PHLPP1: variants seen among roughly 807,000 people sequenced by gnomAD.
The protein encoded by PHLPP1 is PH domain and leucine rich repeat protein phosphatase 1, also known as PH domain leucine-rich repeat-containing protein phosphatase 1.
PHLPP1 carries 42 observed loss-of-function variants against 117.2 expected under a neutral mutation model. The ratio of observed to expected loss-of-function variants is 0.36; its 90% CI spans 0.28 to 0.46. The LOEUF (loss-of-function observed/expected upper bound fraction) is 0.46. Among genes scored for constraint, PHLPP1 ranks in the 20% least tolerant of loss-of-function variants. The probability of loss-of-function intolerance (pLI) is 1.00; values close to 1 mark genes in which losing one functional copy is unlikely to be tolerated. For missense variants in PHLPP1, 2,084 were observed against 2,241.9 expected (o/e 0.93, Z 1.42); for synonymous variants, 1,042 against 970.7 (o/e 1.07, Z -1.37).
intron 14 of PHLPP1, among the ~76,000 whole-genome samples, chr18:62,966,290 T>C (rs149816765): frequency 2.0e-5 from 3 of 152,270 alleles, no homozygotes; most frequent in East Asian, 1.9e-4. Flanking sequence ...TTACTATTAT[T>C]ATTTATCCCT....
At chr18:62,719,905 G>A (rs921252825) in intron 1 of PHLPP1, among the ~76,000 whole-genome samples, 2 of 152,054 alleles carry the variant, frequency 1.3e-5, no homozygotes, top group African/African-American at 4.8e-5. Flanking sequence ...GCCATTTGTG[G>A]TTGCTTTGAA....
chr18:62,740,472 G>T (rs1417225782), intron 1 of PHLPP1, among the ~76,000 whole-genome samples: 1 of 152,144 alleles, frequency 6.6e-6, no homozygotes, highest in Non-Finnish European at 1.5e-5. Context: ...TTAAGTTCAG[G>T]TAGATATGTA....
intron 1 of PHLPP1, among the ~76,000 whole-genome samples, chr18:62,767,648 C>A (rs1392748948): frequency 6.6e-6 from 1 of 152,154 alleles, no homozygotes; most frequent in Non-Finnish European, 1.5e-5. Context: ...TTTTAGAATG[C>A]AAGAATTGAT....
At chr18:62,797,849 C>T (rs538920032) in intron 1 of PHLPP1, among the ~76,000 whole-genome samples, 1 of 152,110 alleles carries the variant, frequency 6.6e-6, no homozygotes, top group South Asian at 2.1e-4. Context: ...AATGTAATTC[C>T]TAAAACCTGA....
intron 4 of PHLPP1, among the ~76,000 whole-genome samples, chr18:62,873,976 A>G (rs1253772468): frequency 6.7e-6 from 1 of 149,594 alleles, no homozygotes; most frequent in Non-Finnish European, 1.5e-5. Flanking sequence ...CGAGATCAGC[A>G]GTTCAAGACC....
chr18:62,932,370 C>T (rs1909841924), intron 10 of PHLPP1, among the ~76,000 whole-genome samples: 1 of 152,080 alleles, frequency 6.6e-6, no homozygotes, highest in Non-Finnish European at 1.5e-5. Flanking sequence ...AAATCTTCAT[C>T]AAATAAGTAG....
At chr18:62,833,299 C>T (rs2144334444) in intron 2 of PHLPP1, among the ~76,000 whole-genome samples, 1 of 152,276 alleles carries the variant, frequency 6.6e-6, no homozygotes, top group African/African-American at 2.4e-5. Flanking sequence ...GTCTTGAACT[C>T]CTGATCTCAA....
intron 11 of PHLPP1, among the ~76,000 whole-genome samples, chr18:62,942,552 C>G (rs974549040): frequency 6.6e-6 from 1 of 152,072 alleles, no homozygotes. Flanking sequence ...TCAAAATAGT[C>G]CATTTTTAAT....
chr18:62,750,452 C>T (rs1911811297), intron 1 of PHLPP1, among the ~76,000 whole-genome samples: 1 of 152,122 alleles, frequency 6.6e-6, no homozygotes, highest in Non-Finnish European at 1.5e-5. Flanking sequence ...TCTGTGATTA[C>T]TAATATAGCC....
chr18:62,937,741 G>A (rs1224382800), intron 10 of PHLPP1, among the ~76,000 whole-genome samples: 1 of 152,228 alleles, frequency 6.6e-6, no homozygotes, highest in Non-Finnish European at 1.5e-5. Flanking sequence ...GCCAGGTGCA[G>A]TGGCTCACAC....
At chr18:62,768,894 A>C (rs1912650880) in intron 1 of PHLPP1, among the ~76,000 whole-genome samples, 1 of 152,212 alleles carries the variant, frequency 6.6e-6, no homozygotes, top group Non-Finnish European at 1.5e-5. Context: ...TTATAATTTT[A>C]GTTTATAGGT....
intron 10 of PHLPP1, among the ~76,000 whole-genome samples, chr18:62,921,581 T>C (rs112882845): frequency 1.6e-4 from 24 of 152,220 alleles, no homozygotes; most frequent in African/African-American, 5.1e-4. Context: ...GTCTTAATTA[T>C]AGTTTTATCA....
chr18:62,742,337 A>G (rs183101280), intron 1 of PHLPP1, among the ~76,000 whole-genome samples: 2 of 152,128 alleles, frequency 1.3e-5, no homozygotes, highest in Non-Finnish European at 2.9e-5. Context: ...TTATACAGCT[A>G]TATTGATTGA....
intron 1 of PHLPP1, among the ~76,000 whole-genome samples, chr18:62,784,799 T>G (rs1163233073): frequency 1.3e-5 from 2 of 152,204 alleles, no homozygotes; most frequent in African/African-American, 2.4e-5. Context: ...TTTTTTGAAT[T>G]CAGTAATTGT....
rs1009695525 is a variant in PHLPP1 at position 62,759,651 on chromosome 18, A to G, written c.1576+42392A>G. 2.0e-5 allele frequency among the ~76,000 whole-genome samples: 3 copies of G among 152,238 alleles called. No homozygotes were observed. The South Asian group carries it at 6.2e-4, about 31-fold the overall frequency. On this transcript the variant is annotated intron_variant, in intron 1 of 16. Transcript: ENST00000262719. ...CTTTGATGGCTAAAATTAAGGACTA[A>G]TAACGAAATGACTAATTCTACCCAC...
Position 62,715,695 on chromosome 18 carries a change from C to T in PHLPP1, c.12C>T (p.Ala4=), listed in dbSNP as rs780740012. The stretch of plus-strand genomic sequence containing the variant: ...GAAGCCCCACTGCAATGGAGCCCGC[C>T]GCCGCGGCCACGGTACAGCGACTCC... MEP[A]AAATVQRLPE... Residue 4 remains alanine, a synonymous_variant, in exon 1 of 17, where the codon GCC becomes GCT. Coordinates refer to ENST00000262719, the MANE Select transcript of PHLPP1 (RefSeq NM_194449.4). The T allele has an allele frequency of 4.1e-5, 53 of 1,290,050 alleles. No individual in the cohort carries two copies. The highest frequency in any genetic ancestry group is 5.0e-5 in the Non-Finnish European group (51 of 1,016,318). The allele number at this position is 1,290,050 out of a possible 1,614,324, so 79.9% of individuals were successfully genotyped here. A position where few individuals can be genotyped will look rare whatever the true frequency, so the allele number is the denominator to read the frequency against.
chr18:62,897,473 G>T (rs752023511), intron 6 of PHLPP1, among the ~76,000 whole-genome samples: 1 of 152,042 alleles, frequency 6.6e-6, no homozygotes, highest in Admixed American at 6.6e-5. Context: ...TTCTAATTCT[G>T]CCTTAATACT....
intron 4 of PHLPP1, among the ~76,000 whole-genome samples, chr18:62,883,580 C>T (rs1753331904): frequency 6.6e-6 from 1 of 152,176 alleles, no homozygotes. Flanking sequence ...CCCTCTCTTA[C>T]ATGACTGAAT....
rs1910732403 is a variant in PHLPP1, at chr18:62,716,321, C to T, written c.638C>T (p.Ser213Leu). The T allele has an allele frequency of 1.3e-6, 2 of 1,530,672 alleles. No individual in the cohort carries two copies. The highest frequency in any genetic ancestry group is 1.4e-5 in the African/African-American group (1 of 72,118). The allele number at this position is 1,530,672 out of a possible 1,614,324, so 94.8% of individuals were successfully genotyped here. A position where few individuals can be genotyped will look rare whatever the true frequency, so the allele number is the denominator to read the frequency against. The change falls in exon 1 of 17, where the codon TCG becomes TTG. Residue 213 changes from serine to leucine, a missense_variant. Physicochemically the swap from Ser to Leu is moderately radical, Grantham distance 145 (BLOSUM62 -2). This residue lies in a region of PHLPP1 where 719 missense variants were observed against 636.0 expected (regional missense o/e 1.13). Coordinates refer to ENST00000262719, the MANE Select transcript of PHLPP1 (RefSeq NM_194449.4). The surrounding 1 kb of genome is among the most constrained non-coding windows in gnomAD (Gnocchi z 5.7). ...CVHVFDRHMASTYLRPVLCTL... is the reference protein window; with the variant it reads ...CVHVFDRHMALTYLRPVLCTL... ...CACGTCTTCGACCGCCACATGGCCT[C>T]GACCTACCTGCGCCCGGTGCTCTGC...
Sources: gnomAD v4.1 joint callset for allele counts (sites outside exome capture counted in the v4.1 genomes callset) on GRCh38, gnomAD v4.1.1 for gene constraint, gnomAD v4.1.1 regional missense constraint, Gnocchi (gnomAD v3.1) non-coding constraint, MANE v1.5 for transcripts, NCBI Gene and HGNC (gene_info 2026-07-23, HGNC 2026-07-21) for gene names.